ARHGAP26: variants seen among roughly 807,000 people sequenced by gnomAD.
ARHGAP26 encodes Rho GTPase activating protein 26.
Under a neutral mutation model 104.8 loss-of-function variants are expected in ARHGAP26, and 38 were observed. The observed-to-expected ratio is 0.36, with a 90% CI of 0.28 to 0.48. ARHGAP26 has a LOEUF of 0.48. ARHGAP26 is among the 20% of genes least tolerant of loss of function. The pLI, the probability that ARHGAP26 is intolerant of heterozygous loss-of-function variation, is 0.99. For missense variants in ARHGAP26, 704 were observed against 947.9 expected, an observed-to-expected ratio of 0.74 and a Z score of 3.38; for synonymous variants, 341 against 340.0, an observed-to-expected ratio of 1.00 and a Z score of -0.03.
At chr5:143,159,427 C>T (rs1017889704) in intron 20 of ARHGAP26, among the ~76,000 whole-genome samples, 1 of 152,170 alleles carries the variant, frequency 6.6e-6, no homozygotes, top group Non-Finnish European at 1.5e-5. Flanking sequence ...GAGTACTATC[C>T]AGTACAACAG....
At chr5:143,096,309 C>T (rs914165448) in intron 17 of ARHGAP26, among the ~76,000 whole-genome samples, 6 of 152,202 alleles carry the variant, frequency 3.9e-5, no homozygotes, top group African/African-American at 1.4e-4. Flanking sequence ...TTGTCATGCT[C>T]GTGGTGCAGA....
Position 142,770,480 on chromosome 5 carries a change from G to T in ARHGAP26, c.-282G>T. The T allele has an allele frequency of 5.2e-6, 1 of 192,292 alleles. No homozygotes were observed. The highest frequency in any genetic ancestry group is 1.1e-5 in the Non-Finnish European group (1 of 92,002). 11.9% of individuals were successfully genotyped at this position (192,292 alleles called of 1,614,324 possible). A position where few individuals can be genotyped will look rare whatever the true frequency, so the allele number is the denominator to read the frequency against. On this transcript the variant is annotated 5_prime_UTR_variant, in exon 1 of 23. Transcript: ENST00000645722. ...AGGCGGCGTCTGCACTCGCTCGCCC[G>T]CTCGCTCGCTTCCCGGCGCCGCTGC...
At chr5:142,935,663 C>G (rs1765304900) in intron 11 of ARHGAP26, among the ~76,000 whole-genome samples, 1 of 152,034 alleles carries the variant, frequency 6.6e-6, no homozygotes, top group African/African-American at 2.4e-5. Flanking sequence ...ATGAATTGAC[C>G]AGAACTTACT....
At position 142,903,608 on chromosome 5, in the gene ARHGAP26, C is replaced by T. The variant is rs144452311; in HGVS notation, c.771C>T (p.Pro257=). ...ESLMKKMKEN[P]LEHKTISPYT... is the part of the protein sequence containing the mutation. ...TGATGAAAAAGATGAAGGAGAATCC[C>T]CTTGAGCACAAGACCATCAGTCCCT... is the stretch of plus-strand genomic sequence containing the variant. Residue 257 remains proline (P), a synonymous_variant, in exon 8 of 23, where the codon CCC becomes CCT. Coordinates refer to ENST00000645722, the MANE Select transcript of ARHGAP26 (RefSeq NM_001135608.3). 6.8e-6 allele frequency: 11 copies of T among 1,613,916 alleles called. No homozygotes were observed. Among genetic ancestry groups the T allele is most frequent in the African/African-American group, 1.3e-5 (1 of 74,990 alleles).
chr5:142,915,733 T>A (rs570755027), intron 10 of ARHGAP26: 1 of 152,250 alleles, frequency 6.6e-6, no homozygotes, highest in African/African-American at 2.4e-5. Context: ...TCTATATAGA[T>A]CCCAAAGATT....
At chr5:142,905,889 A>C (rs927320026) in intron 8 of ARHGAP26, among the ~76,000 whole-genome samples, 3 of 152,198 alleles carry the variant, frequency 2.0e-5, no homozygotes, top group African/African-American at 4.8e-5. Flanking sequence ...CAGTTTTGCC[A>C]GTTGTATCAA....
intron 11 of ARHGAP26, among the ~76,000 whole-genome samples, chr5:142,997,028 C>A (rs1776499546): frequency 6.6e-6 from 1 of 152,106 alleles, no homozygotes; most frequent in Non-Finnish European, 1.5e-5. Flanking sequence ...ACTGTTGAAA[C>A]TACTGAACTC....
intron 21 of ARHGAP26, among the ~76,000 whole-genome samples, chr5:143,209,505 G>A (rs965447365): frequency 3.3e-5 from 5 of 152,272 alleles, no homozygotes; most frequent in Admixed American, 1.3e-4. Context: ...GGCAGGCCGG[G>A]CACAGTGGTT....
chr5:142,965,735 C>G (rs1301282946), intron 11 of ARHGAP26, among the ~76,000 whole-genome samples: 1 of 152,098 alleles, frequency 6.6e-6, no homozygotes, highest in Admixed American at 6.5e-5. Context: ...AGCTCGTGTC[C>G]TTGGTCTCTT....
At chr5:142,856,640 A>G (rs974112084) in intron 1 of ARHGAP26, among the ~76,000 whole-genome samples, 5 of 152,216 alleles carry the variant, frequency 3.3e-5, no homozygotes, top group African/African-American at 9.6e-5. Context: ...TATTTATTGC[A>G]TCAGTACTGA....
At chr5:143,024,769 C>T (rs1780804998) in intron 12 of ARHGAP26, among the ~76,000 whole-genome samples, 1 of 152,126 alleles carries the variant, frequency 6.6e-6, no homozygotes, top group South Asian at 2.1e-4. Flanking sequence ...TTGGTCACTC[C>T]CTGCACTGAT....
At chr5:142,967,059 C>T (rs546531101) in intron 11 of ARHGAP26, among the ~76,000 whole-genome samples, 14 of 152,178 alleles carry the variant, frequency 9.2e-5, no homozygotes, top group South Asian at 4.2e-4. Flanking sequence ...CTCACACATA[C>T]GTACAAAAAC....
chr5:142,895,089 A>C (rs1220635290), intron 6 of ARHGAP26, among the ~76,000 whole-genome samples: 1 of 152,218 alleles, frequency 6.6e-6, no homozygotes, highest in Non-Finnish European at 1.5e-5. Context: ...GGAAACACCA[A>C]AATAGTATAT....
intron 1 of ARHGAP26, among the ~76,000 whole-genome samples, chr5:142,862,901 A>G (rs1753619173): frequency 6.6e-6 from 1 of 152,100 alleles, no homozygotes; most frequent in African/African-American, 2.4e-5. Flanking sequence ...ATTAGTTGCT[A>G]TGGTTATTTG....
rs853168 is a variant in ARHGAP26, at chr5:143,159,199, G to A, written c.1988+11818G>A. On this transcript the variant is annotated intron_variant, in intron 20 of 22. Transcript: ENST00000645722. ...CAGAAATGGAATAAATGCCTTGGCC[G>A]TCTCCTTCCCCCTGCTAGTCTAAAG... 2.6e-5 allele frequency among the ~76,000 whole-genome samples: 4 copies of A among 152,006 alleles called. No homozygotes were observed. The East Asian group carries it at 7.7e-4, about 29-fold the overall frequency.
At chr5:142,825,772 A>G (rs2152094820) in intron 1 of ARHGAP26, among the ~76,000 whole-genome samples, 1 of 152,314 alleles carries the variant, frequency 6.6e-6, no homozygotes, top group Non-Finnish European at 1.5e-5. Context: ...TTTTCTGTCC[A>G]GTAGAGACTC....
At position 142,833,061 on chromosome 5, in the gene ARHGAP26, T is replaced by G. The variant is rs528290489; in HGVS notation, c.155-40339T>G. On this transcript the variant is annotated intron_variant, in intron 1 of 22. Transcript: ENST00000645722. ...TACCACAGAGAACTTTTATTTCTTT[T>G]TTTTTGTTTTTGAGGTGGAGTTTCA... 3.9e-5 allele frequency among the ~76,000 whole-genome samples: 6 copies of G among 152,230 alleles called. No homozygotes were observed. In the South Asian group the frequency reaches 1.2e-3, roughly 32 times the overall value.
intron 20 of ARHGAP26, 111 bp downstream of exon 20, chr5:143,147,492 T>A: frequency 7.8e-7 from 1 of 1,282,378 alleles, no homozygotes; most frequent in South Asian, 1.5e-5. Flanking sequence ...TGAACATTAT[T>A]TAAACCTCCT....
At chr5:143,112,349 T>C (rs975739169) in intron 17 of ARHGAP26, among the ~76,000 whole-genome samples, 1 of 151,828 alleles carries the variant, frequency 6.6e-6, no homozygotes, top group Non-Finnish European at 1.5e-5. Flanking sequence ...CCAAAGAAAA[T>C]TTTAGCTCAG....
Sources: gnomAD v4.1 joint callset for allele counts (sites outside exome capture counted in the v4.1 genomes callset) on GRCh38, gnomAD v4.1.1 for gene constraint, MANE v1.5 for transcripts, NCBI Gene and HGNC (gene_info 2026-07-23, HGNC 2026-07-21) for gene names.